INSRR: variants seen among roughly 807,000 people sequenced by gnomAD.
INSRR encodes the protein insulin receptor-related protein.
A neutral mutation model predicts 130.0 loss-of-function variants in INSRR; 114 were observed. The ratio of observed to expected loss-of-function variants is 0.88; its 90% CI spans 0.75 to 1.02. INSRR has a LOEUF of 1.02. INSRR is among the 50% of genes least tolerant of loss of function. The pLI is 0.00. For missense variants in INSRR, 1,657 were observed against 1,735.2 expected (o/e 0.95, Z 0.80); for synonymous variants, 674 against 705.2 (o/e 0.96, Z 0.70).
rs1655194581 is a variant in INSRR at position 156,851,277 on chromosome 1, G to A, written c.1229+13C>T. On this transcript the variant is annotated intron_variant, in intron 5 of 21. Transcript: ENST00000368195. ...GTGTAATAGAAGGAGCTGGTCAGAG[G>A]CCTAACCCTTACCCATCCACCATGG... 1 of 1,613,908 alleles carries A rather than the reference G, an allele frequency of 6.2e-7. No homozygotes were observed.
chr1:156,842,536 C>G (rs1414412662), intron 17 of INSRR, 28 bp from the exon 18 acceptor site: 1 of 1,573,984 alleles, frequency 6.4e-7, no homozygotes, highest in South Asian at 1.1e-5. Flanking sequence ...CCTAGCAGAC[C>G]CCCTAGTTCC....
At position 156,858,629 on chromosome 1, in the gene INSRR, G is replaced by A. The variant is rs1655497457; in HGVS notation, c.-8C>T. 6.8e-6 allele frequency: 11 copies of A among 1,613,492 alleles called. No homozygotes were observed. The highest frequency in any genetic ancestry group is 7.6e-6 in the Non-Finnish European group (9 of 1,179,490). ...CAGACTAGGCACTGCCATTGTCCCA[G>A]CCCTGGCTTGTGTCCAGTCCCGGCT... On this transcript the variant is annotated 5_prime_UTR_variant, in exon 1 of 22. Coordinates refer to ENST00000368195, the MANE Select transcript of INSRR (RefSeq NM_014215.3).
Position 156,845,069 on chromosome 1 carries a change from C to CTAGGTG in INSRR, c.2437+6_2437+7insCACCTA. On this transcript the variant is annotated splice_region_variant and intron_variant, in intron 12 of 21. Transcript: ENST00000368195. ...GGGGGTAGAAGGTGTGTGTGTGGAT[C>CTAGGTG]ACCTACTGTGGGGCATGGTGCGCGC... 2 of 1,600,834 alleles carry CTAGGTG rather than the reference C, an allele frequency of 1.2e-6. No individual in the cohort carries two copies. Among genetic ancestry groups the CTAGGTG allele is most frequent in the Non-Finnish European group, 1.7e-6 (2 of 1,174,616 alleles).
chr1:156,857,142 G>A (rs1233204576), intron 1 of INSRR, among the ~76,000 whole-genome samples: 1 of 150,548 alleles, frequency 6.6e-6, no homozygotes, highest in African/African-American at 2.5e-5. Context: ...TCCTGAGCTT[G>A]GCTCTGCCCA....
chr1:156,843,791 C>T (rs796788437), intron 15 of INSRR, among the ~76,000 whole-genome samples: 3 of 152,230 alleles, frequency 2.0e-5, no homozygotes, highest in Non-Finnish European at 4.4e-5. Context: ...GATCTGACAT[C>T]AGGCATTCTG....
chr1:156,840,754 A>G lies in INSRR; in HGVS notation c.*119T>C. The stretch of plus-strand genomic sequence containing the variant: ...CTTCCCTGCTCCTGTTCTCTGCCCC[A>G]CCCTCGGCCATCCCTTGCCCTGAGT... On this transcript the variant is annotated 3_prime_UTR_variant, in exon 22 of 22. Transcript: ENST00000368195. The G allele has an allele frequency of 1.3e-6, 1 of 769,724 alleles. No homozygotes were observed. 47.7% of individuals were successfully genotyped at this position (769,724 alleles called of 1,614,324 possible).
Position 156,854,453 on chromosome 1 carries a change from G to A in INSRR, c.86-150C>T. On this transcript the variant is annotated intron_variant, in intron 1 of 21. Coordinates refer to ENST00000368195, the MANE Select transcript of INSRR (RefSeq NM_014215.3). This position sits in a 1 kb window ranked among gnomAD's most constrained non-coding sequence, Gnocchi z 4.2. ...TGGGTGTGGGGTGGCCTCCTTCCTGGGCCCCGGAGGGCTCACCTGCAGCCT... is the reference window on the plus strand; with the variant it reads ...TGGGTGTGGGGTGGCCTCCTTCCTGAGCCCCGGAGGGCTCACCTGCAGCCT... 1.3e-6 allele frequency: 1 copy of A among 791,414 alleles called. No homozygotes were observed. Among genetic ancestry groups the A allele is most frequent in the South Asian group, 1.8e-5 (1 of 54,346 alleles). 49.0% of individuals were successfully genotyped at this position (791,414 alleles called of 1,614,324 possible).
Position 156,854,050 on chromosome 1 carries a change from A to G in INSRR, c.339T>C (p.Tyr113=). The part of the protein sequence containing the change: ...VIRGTRLFLG[Y]ALVIFEMPHL... ...GTGGCATCTCAAAGATGACCAGTGC[A>G]TAGCCCAGGAAGAGGCGCGTCCCGC... The change falls in exon 2 of 22, where the codon TAT becomes TAC. Residue 113 remains tyrosine (Y), a synonymous_variant. Coordinates refer to ENST00000368195, the MANE Select transcript of INSRR (RefSeq NM_014215.3). This position sits in a 1 kb window ranked among gnomAD's most constrained non-coding sequence, Gnocchi z 4.2. 1 of 1,614,128 alleles carries G rather than the reference A, an allele frequency of 6.2e-7. No individual in the cohort carries two copies. Among genetic ancestry groups the G allele is most frequent in the Non-Finnish European group, 8.5e-7 (1 of 1,180,048 alleles).
chr1:156,853,816 A>T lies in INSRR; in HGVS notation c.573T>A (p.Cys191Ter). The T allele has an allele frequency of 6.2e-7, 1 of 1,613,372 alleles. No homozygotes were observed. Among genetic ancestry groups the T allele is most frequent in the Middle Eastern group, 1.7e-4 (1 of 6,060 alleles). ...TGTGCCCGCTGAAGGTGGTCTTGGCACAGGGCTCACCAGCAGCACCCAGCA... is the reference window on the plus strand; with the variant it reads ...TGTGCCCGCTGAAGGTGGTCTTGGCTCAGGGCTCACCAGCAGCACCCAGCA... ...PGVLGAAGEP[C>*]AKTTFSGHTD... Residue 191 changes from cysteine (C) to a stop codon, truncating the protein, a stop_gained, in exon 2 of 22, where the codon TGT (cysteine) becomes TGA (stop). Transcript: ENST00000368195. LOFTEE classifies it high-confidence loss of function.
At chr1:156,852,379 C>G (rs1343692917) in intron 2 of INSRR, among the ~76,000 whole-genome samples, 188 bp from the exon 3 acceptor site, 1 of 152,250 alleles carries the variant, frequency 6.6e-6, no homozygotes, top group Non-Finnish European at 1.5e-5. Flanking sequence ...GGACTGTGGC[C>G]GTCTGTGGCT....
Position 156,853,060 on chromosome 1 carries a change from T to A in INSRR, c.637+692A>T, listed in dbSNP as rs150652812. ...TTACTCCTGCACCAGCCATCCCTTT[T>A]CTTTCCTCCTTTCTCCTTTCTCTAC... On this transcript the variant is annotated intron_variant, in intron 2 of 21. Transcript: ENST00000368195. Among the ~76,000 whole-genome samples the A allele has an allele frequency of 8.2e-3, 1,251 of 152,240 alleles. 13 individuals are homozygous for A. The highest frequency in any genetic ancestry group is 0.027 in the African/African-American group (1,133 of 41,510).
rs1654757760 is a variant in INSRR, at chr1:156,840,993, G to C, written c.3774C>G (p.Ser1258=). The C allele has an allele frequency of 6.2e-7, 1 of 1,613,166 alleles. No homozygotes were observed. Residue 1258 remains serine (S), a synonymous_variant, in exon 22 of 22, where the codon TCC becomes TCG. Coordinates refer to ENST00000368195, the MANE Select transcript of INSRR (RefSeq NM_014215.3). ...EELRPSFRLL[S]FYYSPECRGA... ...CCCGGCATTCCGGGCTGTAGTAGAA[G>C]GAGAGGAGGCGGAAGGAGGGCCGCA...
intron 5 of INSRR, 105 bp from the exon 6 acceptor site, chr1:156,849,565 A>T: frequency 5.0e-6 from 4 of 799,958 alleles, no homozygotes; most frequent in Non-Finnish European, 8.1e-6. Context: ...GGGCCCGGGG[A>T]GAGGGGCACT....
chr1:156,849,513 G>GGGGGGGGGCGGGGGGGGGC, intron 5 of INSRR, 53 bp from the exon 6 acceptor site: 7 of 486,114 alleles, frequency 1.4e-5, no homozygotes, highest in Non-Finnish European at 2.5e-5. Context: ...CAGGGGGTGG[G>GGGGGGGGGCGGGGGGGGGC]AAAGGGGATG....
chr1:156,844,752 G>T lies in INSRR; in HGVS notation c.2529C>A (p.Asn843Lys), dbSNP rs745357645. 5 of 1,614,170 alleles carry T rather than the reference G, an allele frequency of 3.1e-6. No individual in the cohort carries two copies. In the Admixed American group the frequency reaches 6.7e-5, roughly 22 times the overall value. The part of the protein sequence containing the change: ...LLRWLEPPDP[N>K]GLILKYEIKY... ...TGATTTCGTACTTGAGGATGAGTCC[G>T]TTGGGGTCTGGTGGCTCGAGCCAGC... The change falls in exon 13 of 22, where the codon AAC becomes AAA. Residue 843 changes from asparagine (N) to lysine (K), a missense_variant. Asn to Lys is a moderately conservative substitution (Grantham distance 94). Coordinates refer to ENST00000368195, the MANE Select transcript of INSRR (RefSeq NM_014215.3).
At position 156,840,899 on chromosome 1, in the gene INSRR, G is replaced by A; in HGVS notation, c.3868C>T (p.Pro1290Ser). 1 of 1,613,906 alleles carries A rather than the reference G, an allele frequency of 6.2e-7. No individual in the cohort carries two copies. Among genetic ancestry groups the A allele is most frequent in the South Asian group, 1.1e-5 (1 of 91,040 alleles). ...DSSPTPRDCS[P>S]QNGGPGH ...CAGTGCCCTGGACCCCCATTTTGAG[G>A]GCTGCAGTCTCTTGGAGTGGGTGAG... The change falls in exon 22 of 22, where the codon CCT becomes TCT. Residue 1290 changes from proline (P) to serine (S), a missense_variant. Pro to Ser is a moderately conservative substitution (Grantham distance 74). Transcript: ENST00000368195.
At chr1:156,850,502 C>A (rs12120840) in intron 5 of INSRR, among the ~76,000 whole-genome samples, 9,353 of 149,682 alleles carry the variant, frequency 0.062, 352 homozygotes, top group African/African-American at 0.088. Flanking sequence ...CAGGAGCCAC[C>A]GTGCCCGACC....
chr1:156,845,558 A>C, intron 10 of INSRR, 61 bp downstream of exon 10: 8 of 1,272,810 alleles, frequency 6.3e-6, no homozygotes, highest in Non-Finnish European at 8.5e-6. Context: ...CCCTCCCGCA[A>C]GACCCGCCCC....
chr1:156,857,944 T>G (rs1429488762), intron 1 of INSRR, among the ~76,000 whole-genome samples: 3 of 152,154 alleles, frequency 2.0e-5, no homozygotes, highest in African/African-American at 7.2e-5. Flanking sequence ...TAAAACGTAC[T>G]GATGGGCAGT....
Sources: allele counts gnomAD v4.1 joint callset (sites outside exome capture counted in the v4.1 genomes callset), GRCh38; gene constraint gnomAD v4.1.1; non-coding constraint Gnocchi (gnomAD v3.1); transcripts MANE v1.5; gene names NCBI Gene and HGNC (gene_info 2026-07-23, HGNC 2026-07-21).